RAB38: variants seen among roughly 807,000 people sequenced by gnomAD.
RAB38 encodes ras-related protein Rab-38.
In RAB38, 15 loss-of-function variants were observed where a neutral mutation model predicts 18.4. The observed-to-expected ratio is 0.82, with a 90% confidence interval of 0.55 to 1.26. The LOEUF (loss-of-function observed/expected upper bound fraction) is 1.26. Ranked by LOEUF, RAB38 falls within the 50% of genes most tolerant of loss-of-function variation. The pLI is 0.00. For missense variants in RAB38, 294 were observed against 267.4 expected (o/e 1.10, Z -0.69); for synonymous variants, 101 against 104.4 (o/e 0.97, Z 0.20).
the RAB38 span, among the ~76,000 whole-genome samples, chr11:88,012,458 G>T: frequency 6.6e-6 from 1 of 152,112 alleles, no homozygotes; most frequent in Non-Finnish European, 1.5e-5. Flanking sequence ...GAACTTACTG[G>T]ATTATTTTTC....
At chr11:87,843,546 A>G in the RAB38 span, among the ~76,000 whole-genome samples, 5,608 of 152,254 alleles carry the variant, frequency 0.037, 225 homozygotes, top group African/African-American at 0.1. Context: ...ATGTACATCA[A>G]TACTTCATGC....
At chr11:87,870,178 C>A in the RAB38 span, among the ~76,000 whole-genome samples, 1 of 151,576 alleles carries the variant, frequency 6.6e-6, no homozygotes, top group African/African-American at 2.4e-5. Context: ...TATTCACATG[C>A]TCACAACAAA....
chr11:88,049,156 A>C, the RAB38 span, among the ~76,000 whole-genome samples: 83 of 151,228 alleles, frequency 5.5e-4, no homozygotes, highest in African/African-American at 2.0e-3. Context: ...ATACCACCCC[A>C]AAAAAATTTT....
chr11:88,135,186 C>G (rs963337135), intron 2 of RAB38, among the ~76,000 whole-genome samples: 1 of 152,166 alleles, frequency 6.6e-6, no homozygotes, highest in Non-Finnish European at 1.5e-5. Context: ...TTTACTCCTC[C>G]CTATATCCCA....
chr11:88,043,052 C>T, the RAB38 span, among the ~76,000 whole-genome samples: 1 of 151,284 alleles, frequency 6.6e-6, no homozygotes, highest in Non-Finnish European at 1.5e-5. Flanking sequence ...TTTTTTTTTA[C>T]TGGAAAAGAG....
chr11:88,160,851 C>A (rs965227942), intron 1 of RAB38, among the ~76,000 whole-genome samples: 1 of 151,956 alleles, frequency 6.6e-6, no homozygotes. Context: ...AAAGAAGGGG[C>A]AAAGGTTGAA....
At chr11:88,016,387 G>C in the RAB38 span, among the ~76,000 whole-genome samples, 7 of 152,206 alleles carry the variant, frequency 4.6e-5, no homozygotes, top group East Asian at 9.7e-4. Context: ...TCTGCCTAAA[G>C]AATCTACTCA....
At chr11:88,112,800 A>ATG (rs1424437919), downstream of RAB38, among the ~76,000 whole-genome samples, 1 of 151,384 alleles carries the variant, frequency 6.6e-6, no homozygotes, top group Non-Finnish European at 1.5e-5. Flanking sequence ...CAAAATATAT[A>ATG]TATATATATA....
At chr11:88,058,458 A>G in the RAB38 span, among the ~76,000 whole-genome samples, 3 of 152,166 alleles carry the variant, frequency 2.0e-5, no homozygotes, top group Non-Finnish European at 4.4e-5. Flanking sequence ...TCCTACAACA[A>G]ACATGTGGCC....
chr11:87,806,597 T>G, the RAB38 span, among the ~76,000 whole-genome samples: 1 of 152,200 alleles, frequency 6.6e-6, no homozygotes, highest in Non-Finnish European at 1.5e-5. Flanking sequence ...GGAAAAAAAT[T>G]CCTAAGCATT....
At chr11:87,878,257 T>TACACACA in the RAB38 span, among the ~76,000 whole-genome samples, 3 of 93,722 alleles carry the variant, frequency 3.2e-5, no homozygotes, top group Non-Finnish European at 6.2e-5. Context: ...CTATCATCTA[T>TACACACA]CTATCTATCT....
the RAB38 span, among the ~76,000 whole-genome samples, chr11:87,855,046 C>T: frequency 7.0e-3 from 1,059 of 152,188 alleles, 15 homozygotes; most frequent in African/African-American, 0.024. Context: ...CCACGTGCCT[C>T]GGCCTCCCAA....
chr11:87,977,557 TATATA>T, the RAB38 span, among the ~76,000 whole-genome samples: 4 of 118,312 alleles, frequency 3.4e-5, no homozygotes, highest in Admixed American at 3.9e-4. Flanking sequence ...ATAATATAAT[TATATA>T]ATATACTTAT....
chr11:87,840,322 A>G, the RAB38 span, among the ~76,000 whole-genome samples: 1 of 152,214 alleles, frequency 6.6e-6, no homozygotes, highest in African/African-American at 2.4e-5. Context: ...GGAAGTCATG[A>G]TGGGTCTTGG....
At chr11:87,828,486 T>C in the RAB38 span, among the ~76,000 whole-genome samples, 1 of 152,212 alleles carries the variant, frequency 6.6e-6, no homozygotes, top group African/African-American at 2.4e-5. Flanking sequence ...GTTTGCATCC[T>C]TTCCTCCTGC....
the RAB38 span, among the ~76,000 whole-genome samples, chr11:87,861,464 A>G: frequency 3.3e-5 from 5 of 151,908 alleles, no homozygotes; most frequent in African/African-American, 9.7e-5. Flanking sequence ...ACAAATCACA[A>G]TCAAAGCAAT....
chr11:87,862,897 CTTGA>C, the RAB38 span, among the ~76,000 whole-genome samples: 1 of 151,786 alleles, frequency 6.6e-6, no homozygotes, highest in Non-Finnish European at 1.5e-5. Flanking sequence ...AAGCCTTTAA[CTTGA>C]TTAATGAATA....
chr11:88,062,269 G>A, the RAB38 span, among the ~76,000 whole-genome samples: 10 of 151,856 alleles, frequency 6.6e-5, no homozygotes, highest in African/African-American at 2.2e-4. Context: ...ACCGAGATCC[G>A]ATGGTTTTTA....
chr11:88,075,303 C>G, the RAB38 span, among the ~76,000 whole-genome samples: 1 of 152,150 alleles, frequency 6.6e-6, no homozygotes, highest in African/African-American at 2.4e-5. Context: ...GGCCACAACA[C>G]AAGTCTCAAC....
Sources: gnomAD v4.1 joint callset for allele counts (sites outside exome capture counted in the v4.1 genomes callset) on GRCh38, gnomAD v4.1.1 for gene constraint, MANE v1.5 for transcripts, NCBI Gene and HGNC (gene_info 2026-07-23, HGNC 2026-07-21) for gene names.